Variants in LRP1B observed in about 807,000 individuals in gnomAD.
LRP1B encodes the protein low-density lipoprotein receptor-related protein 1B.
Under a neutral mutation model 556.6 loss-of-function variants are expected in LRP1B, and 217 were observed. The ratio of observed to expected loss-of-function variants is 0.39; its 90% CI spans 0.35 to 0.44. The LOEUF is 0.44. LRP1B is among the 20% of genes least tolerant of loss of function. The pLI is 1.00. For synonymous variants in LRP1B, 2,047 were observed against 1,865.8 expected (o/e 1.10, Z -2.50); for missense variants, 5,053 against 5,620.8 (o/e 0.90, Z 3.23).
At position 140,322,094 on chromosome 2, in the gene LRP1B, G is replaced by C. The variant is rs1680169273; in HGVS notation, c.12515-6C>G. On this transcript the variant is annotated splice_polypyrimidine_tract_variant and splice_region_variant and intron_variant, in intron 81 of 90. Transcript: ENST00000389484. ...ATCCAAGCATGGATTGGGTACTGGT[G>C]AAACAAAAGAAAACAAAGAAGTGTG... 6.2e-7 allele frequency: 1 copy of C among 1,608,980 alleles called. No individual in the cohort carries two copies. The highest frequency in any genetic ancestry group is 1.1e-5 in the South Asian group (1 of 90,334).
chr2:141,603,543 A>G (rs1687822067), intron 2 of LRP1B, among the ~76,000 whole-genome samples: 1 of 152,198 alleles, frequency 6.6e-6, no homozygotes, highest in Non-Finnish European at 1.5e-5. Flanking sequence ...GGGATCATTC[A>G]GAATTTAGCA....
chr2:141,017,953 A>G (rs1237234377), intron 12 of LRP1B, among the ~76,000 whole-genome samples: 1 of 151,580 alleles, frequency 6.6e-6, no homozygotes, highest in Non-Finnish European at 1.5e-5. Context: ...GTGAGCCAAG[A>G]TCATACCACT....
At chr2:140,716,602 A>C (rs925133754) in intron 36 of LRP1B, 80 bp downstream of exon 36, 2 of 1,404,106 alleles carry the variant, frequency 1.4e-6, no homozygotes, top group Non-Finnish European at 9.6e-7. Context: ...GTTATGAGTT[A>C]GAAAAGATTT....
At chr2:141,912,429 A>G (rs906416070) in intron 1 of LRP1B, among the ~76,000 whole-genome samples, 1 of 152,128 alleles carries the variant, frequency 6.6e-6, no homozygotes, top group African/African-American at 2.4e-5. Flanking sequence ...ATCGCAGCAA[A>G]AGGGGTCGAG....
intron 41 of LRP1B, among the ~76,000 whole-genome samples, chr2:140,607,664 C>CGT (rs1682919983): frequency 2.7e-5 from 4 of 150,318 alleles, no homozygotes; most frequent in African/African-American, 7.3e-5. Flanking sequence ...CACACATAGA[C>CGT]GTGTGTGTGT....
At chr2:141,101,334 T>C (rs1329169247) in intron 7 of LRP1B, among the ~76,000 whole-genome samples, 1 of 152,078 alleles carries the variant, frequency 6.6e-6, no homozygotes, top group East Asian at 1.9e-4. Context: ...AGAAGTGAAT[T>C]TGTGGACTAT....
intron 66 of LRP1B, among the ~76,000 whole-genome samples, chr2:140,424,694 G>A (rs1261955310): frequency 6.6e-6 from 1 of 152,152 alleles, no homozygotes; most frequent in Admixed American, 6.5e-5. Flanking sequence ...TATCATGCAT[G>A]ACACAGATGG....
chr2:141,551,515 T>C (rs775506504), intron 2 of LRP1B, among the ~76,000 whole-genome samples: 9 of 152,092 alleles, frequency 5.9e-5, no homozygotes, highest in African/African-American at 9.6e-5. Flanking sequence ...GGAGTTTTTA[T>C]CAATAGCCCC....
intron 60 of LRP1B, among the ~76,000 whole-genome samples, chr2:140,460,709 T>A (rs1218440747): frequency 6.6e-6 from 1 of 152,180 alleles, no homozygotes. Context: ...TGACTATATA[T>A]CTAAAGCCTA....
At chr2:140,385,415 C>T (rs1683715874) in intron 67 of LRP1B, among the ~76,000 whole-genome samples, 1 of 151,978 alleles carries the variant, frequency 6.6e-6, no homozygotes, top group Non-Finnish European at 1.5e-5. Context: ...ATTCTATTTT[C>T]AGAGAAATGC....
rs879636019 is a variant in LRP1B, at chr2:141,300,059, C to T, written c.344-45418G>A. Among the ~76,000 whole-genome samples the T allele has an allele frequency of 1.1e-4, 17 of 152,156 alleles. 1 individual carries two copies. The highest frequency in any genetic ancestry group is 1.6e-4 in the Non-Finnish European group (11 of 68,030). On this transcript the variant is annotated intron_variant, in intron 3 of 90. Coordinates refer to ENST00000389484, the MANE Select transcript of LRP1B (RefSeq NM_018557.3). ...GAGACCCCAGAGAGCTCTCTTTATC[C>T]GTCTTTCTGACACATGAAGATACAA...
chr2:141,620,430 AT>A (rs1428088730), intron 2 of LRP1B, among the ~76,000 whole-genome samples: 1 of 152,238 alleles, frequency 6.6e-6, no homozygotes, highest in Admixed American at 6.5e-5. Context: ...CTCTCAAAAA[AT>A]AATCATTTTA....
chr2:140,348,097 A>G (rs1167436871), intron 77 of LRP1B, among the ~76,000 whole-genome samples: 1 of 152,030 alleles, frequency 6.6e-6, no homozygotes. Flanking sequence ...AAATATATTT[A>G]AAATATATTA....
At chr2:141,701,680 A>C (rs1191688749) in intron 2 of LRP1B, among the ~76,000 whole-genome samples, 1 of 151,858 alleles carries the variant, frequency 6.6e-6, no homozygotes, top group Non-Finnish European at 1.5e-5. Flanking sequence ...AATGATATTA[A>C]TTTTATTTTC....
rs138052993 is a variant in LRP1B, at chr2:140,358,882, C to T, written c.11196G>A (p.Ser3732=). 309 of 1,609,078 alleles carry T rather than the reference C, an allele frequency of 1.9e-4. 1 individual carries two copies. The African/African-American group carries it at 2.3e-3, about 12-fold the overall frequency. Reference sequence around the variant, plus strand: ...CATCAATCCCATTGCACATTTGCTCCGACTGTAGGCATATTCTGTTATTTC... The same window carrying T: ...CATCAATCCCATTGCACATTTGCTCTGACTGTAGGCATATTCTGTTATTTC... ...RCRNNRICLQ[S]EQMCNGIDEC... is the part of the protein sequence containing the mutation. Residue 3732 remains serine (S), a synonymous_variant, in exon 73 of 91, where the codon TCG becomes TCA. Coordinates refer to ENST00000389484, the MANE Select transcript of LRP1B (RefSeq NM_018557.3).
intron 18 of LRP1B, among the ~76,000 whole-genome samples, chr2:140,975,950 G>T (rs1459397140): frequency 6.6e-6 from 1 of 151,466 alleles, no homozygotes; most frequent in Non-Finnish European, 1.5e-5. Flanking sequence ...TTTGAGGCTG[G>T]GTCTCACTCA....
At chr2:140,411,026 A>G (rs150856503) in intron 66 of LRP1B, among the ~76,000 whole-genome samples, 1 of 152,162 alleles carries the variant, frequency 6.6e-6, no homozygotes, top group African/African-American at 2.4e-5. Flanking sequence ...GAAATTTGCT[A>G]TTTTCCAGTG....
At chr2:140,593,914 T>G (rs1682327831) in intron 43 of LRP1B, among the ~76,000 whole-genome samples, 1 of 152,140 alleles carries the variant, frequency 6.6e-6, no homozygotes, top group African/African-American at 2.4e-5. Context: ...GAGTTGTAAG[T>G]GTGAGTTGTA....
chr2:140,587,982 C>T (rs1359085433), intron 43 of LRP1B, among the ~76,000 whole-genome samples: 1 of 151,844 alleles, frequency 6.6e-6, no homozygotes, highest in Non-Finnish European at 1.5e-5. Flanking sequence ...TGACCTATGC[C>T]AAGTGAAAAT....
Sources: allele counts gnomAD v4.1 joint callset (sites outside exome capture counted in the v4.1 genomes callset), GRCh38; gene constraint gnomAD v4.1.1; transcripts MANE v1.5; gene names NCBI Gene and HGNC (gene_info 2026-07-23, HGNC 2026-07-21).